SLC29A2: variants seen among roughly 807,000 people sequenced by gnomAD.
SLC29A2 encodes equilibrative nucleoside transporter 2.
SLC29A2 carries 37 observed loss-of-function variants against 48.8 expected under a neutral mutation model. The ratio of observed to expected loss-of-function variants is 0.76; its 90% CI spans 0.58 to 1.00. The LOEUF (loss-of-function observed/expected upper bound fraction) is 1.00, where lower values mean the gene tolerates loss of function less well. Ranked by LOEUF, SLC29A2 falls within the 50% of genes least tolerant of loss-of-function variation. The pLI, the probability that SLC29A2 is intolerant of heterozygous loss-of-function variation, is 0.00. For synonymous variants in SLC29A2, 233 were observed against 261.7 expected, an observed-to-expected ratio of 0.89 and a Z score of 1.06; for missense variants, 533 against 578.6, an observed-to-expected ratio of 0.92 and a Z score of 0.81.
rs1401858763 is a variant in SLC29A2, at chr11:66,371,521, G to C, written c.29+42C>G. Reference sequence around the variant, plus strand: ...CGGAGCGCCTTCAGGGAGCGGGTCTGCAACGCCCCCGGCCACTTGCAACGC... The same window carrying C: ...CGGAGCGCCTTCAGGGAGCGGGTCTCCAACGCCCCCGGCCACTTGCAACGC... On this transcript the variant is annotated intron_variant, in intron 1 of 11. Transcript: ENST00000357440. 3.9e-6 allele frequency: 6 copies of C among 1,549,196 alleles called. No individual in the cohort carries two copies. In the South Asian group the frequency reaches 7.1e-5, roughly 18 times the overall value.
intron 9 of SLC29A2, 34 bp from the exon 10 acceptor site, chr11:66,366,055 T>C: frequency 6.2e-7 from 1 of 1,610,678 alleles, no homozygotes; most frequent in Non-Finnish European, 8.5e-7. Flanking sequence ...CATACTGGTC[T>C]CCAACTCCCC....
At chr11:66,372,395 C>A (rs902044304), upstream of SLC29A2, among the ~76,000 whole-genome samples, 5 of 152,236 alleles carry the variant, frequency 3.3e-5, no homozygotes, top group African/African-American at 1.2e-4. Context: ...TCTCTGCAAT[C>A]CCCGGGCGTA....
rs551552283 is a variant in SLC29A2 at position 66,368,898 on chromosome 11, G to A, written c.415+162C>T. 9.8e-5 allele frequency among the ~76,000 whole-genome samples: 15 copies of A among 152,330 alleles called. No individual in the cohort carries two copies. The East Asian group carries it at 1.2e-3, about 12-fold the overall frequency. On this transcript the variant is annotated intron_variant, in intron 4 of 11. Transcript: ENST00000357440. ...CCAGGAGGCCTGCTCCTAGGTCACC[G>A]GACAAGTGACTCTTCCCCTCCCTGT...
Position 66,363,321 on chromosome 11 carries a change from C to T in SLC29A2, c.*115G>A. ...TGCCCGCTGCTGGCAGCCTCAGGCC[C>T]AGGGGCCTCCACCCCGCAGAGGCCT... On this transcript the variant is annotated 3_prime_UTR_variant, in exon 12 of 12. Transcript: ENST00000357440. 1 of 810,254 alleles carries T rather than the reference C, an allele frequency of 1.2e-6. No homozygotes were observed. The highest frequency in any genetic ancestry group is 2.1e-6 in the Non-Finnish European group (1 of 470,844). The allele number at this position is 810,254 out of a possible 1,614,324, so 50.2% of individuals were successfully genotyped here.
In SLC29A2 at chr11:66,367,486, G is replaced by A. The variant is rs1855767267; in HGVS notation, c.711C>T (p.Thr237=). 1.2e-6 allele frequency: 2 copies of A among 1,614,080 alleles called. No individual in the cohort carries two copies. Among genetic ancestry groups the A allele is most frequent in the Non-Finnish European group, 1.7e-6 (2 of 1,179,972 alleles). The change falls in exon 7 of 12, where the codon ACC becomes ACT. Residue 237 remains threonine (T), a synonymous_variant. Coordinates refer to ENST00000357440, the MANE Select transcript of SLC29A2 (RefSeq NM_001532.3). ...TACCAGACTGGAGGAGCTCAGCTTT[G>A]GTCTCCAGCTCCTGAGCTTGGGCCT... ...SSQAQAQELE[T]KAELLQSDEN... is the part of the protein sequence containing the mutation.
At chr11:66,368,780 T>C in intron 4 of SLC29A2, 109 bp from the exon 5 acceptor site, 1 of 1,438,656 alleles carries the variant, frequency 7.0e-7, no homozygotes, top group Non-Finnish European at 9.5e-7. Context: ...GTTGCGCAGG[T>C]GTGAGCTTCC....
intron 8 of SLC29A2, 91 bp from the exon 9 acceptor site, chr11:66,366,322 G>A (rs1362685639): frequency 1.2e-6 from 2 of 1,602,976 alleles, no homozygotes; most frequent in Non-Finnish European, 1.7e-6. Context: ...GGACACTTGG[G>A]GCCTGGCCCA....
Position 66,363,082 on chromosome 11 carries a change from C to G in SLC29A2, c.*354G>C. 6.0e-6 allele frequency: 2 copies of G among 334,090 alleles called. No homozygotes were observed. Among genetic ancestry groups the G allele is most frequent in the South Asian group, 5.1e-5 (2 of 39,416 alleles). 20.7% of individuals were successfully genotyped at this position (334,090 alleles called of 1,614,324 possible). A position where few individuals can be genotyped will look rare whatever the true frequency, so the allele number is the denominator to read the frequency against. ...CTCCTGGCCTGGGCTGGCCCCGCCT[C>G]CCACTCTGAACCCTCTGGTCACCTC... On this transcript the variant is annotated 3_prime_UTR_variant, in exon 12 of 12. Transcript: ENST00000357440.
intron 4 of SLC29A2, 22 bp from the exon 5 acceptor site, chr11:66,368,693 G>A: frequency 6.3e-7 from 1 of 1,586,286 alleles, no homozygotes; most frequent in Non-Finnish European, 8.6e-7. Flanking sequence ...AGGGATGGGG[G>A]CTGCTGCTCA....
At chr11:66,368,516 C>T (rs1855837130) in intron 5 of SLC29A2, 21 bp downstream of exon 5, 5 of 1,613,384 alleles carry the variant, frequency 3.1e-6, no homozygotes, top group Non-Finnish European at 4.2e-6. Flanking sequence ...CCCAGCCCTC[C>T]AGCCACCCAA....
In SLC29A2 at chr11:66,363,318, G is replaced by C. The variant is rs1372675232; in HGVS notation, c.*118C>G. 1.3e-6 allele frequency: 1 copy of C among 791,778 alleles called. No individual in the cohort carries two copies. Among genetic ancestry groups the C allele is most frequent in the South Asian group, 1.5e-5 (1 of 68,614 alleles). 49.0% of individuals were successfully genotyped at this position (791,778 alleles called of 1,614,324 possible). On this transcript the variant is annotated 3_prime_UTR_variant, in exon 12 of 12. Transcript: ENST00000357440. The stretch of plus-strand genomic sequence containing the variant: ...TCCTGCCCGCTGCTGGCAGCCTCAG[G>C]CCCAGGGGCCTCCACCCCGCAGAGG...
At chr11:66,366,689 C>T in intron 7 of SLC29A2, 125 bp from the exon 8 acceptor site, 1 of 1,043,642 alleles carries the variant, frequency 9.6e-7, no homozygotes, top group African/African-American at 1.6e-5. Flanking sequence ...GTGGCTCACG[C>T]CTGTAATCCC....
chr11:66,362,740 A>G lies in SLC29A2; in HGVS notation c.*696T>C, dbSNP rs1247353766. On this transcript the variant is annotated 3_prime_UTR_variant, in exon 12 of 12. Coordinates refer to ENST00000357440, the MANE Select transcript of SLC29A2 (RefSeq NM_001532.3). ...CCCAGGACTCAGTTTTGTCACCTGTATAATGGGGGAAGCACAATCCTTGCC... is the reference window on the plus strand; with the variant it reads ...CCCAGGACTCAGTTTTGTCACCTGTGTAATGGGGGAAGCACAATCCTTGCC... 1 of 153,244 alleles carries G rather than the reference A, an allele frequency of 6.5e-6. No individual in the cohort carries two copies. The highest frequency in any genetic ancestry group is 1.5e-5 in the Non-Finnish European group (1 of 68,840). 9.5% of individuals were successfully genotyped at this position (153,244 alleles called of 1,614,324 possible).
Position 66,367,872 on chromosome 11 carries a change from GCGGA to G in SLC29A2, c.551-7_551-4del. Reference sequence around the variant, plus strand: ...AGAGGTCTCGGCGTCCACGCCACCTGCGGAGGAACTTCAGCTGCAGAAGAGAGGC... The same window carrying G: ...AGAGGTCTCGGCGTCCACGCCACCTGGGAACTTCAGCTGCAGAAGAGAGGC... On this transcript the variant is annotated splice_polypyrimidine_tract_variant and splice_region_variant and intron_variant, in intron 5 of 11. Transcript: ENST00000357440. 4 of 1,613,518 alleles carry G rather than the reference GCGGA, an allele frequency of 2.5e-6. No homozygotes were observed. The highest frequency in any genetic ancestry group is 2.5e-6 in the Non-Finnish European group (3 of 1,179,572).
At chr11:66,369,316 C>T in intron 3 of SLC29A2, 53 bp downstream of exon 3, 1 of 1,610,560 alleles carries the variant, frequency 6.2e-7, no homozygotes. Flanking sequence ...CAGGGGAGGG[C>T]CTCAATGAAG....
intron 7 of SLC29A2, among the ~76,000 whole-genome samples, 200 bp downstream of exon 7, chr11:66,367,264 C>T (rs1287011320): frequency 6.6e-6 from 1 of 152,196 alleles, no homozygotes; most frequent in Non-Finnish European, 1.5e-5. Context: ...GTCGCCTCCC[C>T]ATTTTATAGA....
intron 11 of SLC29A2, 43 bp from the exon 12 acceptor site, chr11:66,363,590 T>C: frequency 4.8e-6 from 7 of 1,446,478 alleles, no homozygotes; most frequent in Non-Finnish European, 5.8e-6. Flanking sequence ...ATGCTGGGTC[T>C]AAATCTGGAC....
At chr11:66,364,030 G>C (rs576436038) in intron 11 of SLC29A2, among the ~76,000 whole-genome samples, 195 bp downstream of exon 11, 1 of 152,294 alleles carries the variant, frequency 6.6e-6, no homozygotes, top group Non-Finnish European at 1.5e-5. Flanking sequence ...GGTTGGGCGG[G>C]TACCTCCCTA....
rs1384081904 is a variant in SLC29A2, at chr11:66,370,701, C to CA, written c.111+542dup. Among the ~76,000 whole-genome samples, 128 of 150,174 alleles carry CA rather than the reference C, an allele frequency of 8.5e-4. 1 individual carries two copies. The highest frequency in any genetic ancestry group is 1.7e-3 in the Admixed American group (25 of 15,122). On this transcript the variant is annotated intron_variant, in intron 2 of 11. Coordinates refer to ENST00000357440, the MANE Select transcript of SLC29A2 (RefSeq NM_001532.3). ...TGAAACCCCGTCTCTACTAAAAATA[C>CA]AAAAAAAAATAGCCGCGCGTGGCGG...
Sources: allele counts gnomAD v4.1 joint callset (sites outside exome capture counted in the v4.1 genomes callset), GRCh38; gene constraint gnomAD v4.1.1; transcripts MANE v1.5; gene names NCBI Gene and HGNC (gene_info 2026-07-23, HGNC 2026-07-21).